Variants in GDI2 observed in about 807,000 individuals in gnomAD.
GDI2 encodes GDP dissociation inhibitor 2.
Under a neutral mutation model 54.2 loss-of-function variants are expected in GDI2, and 22 were observed. The ratio of observed to expected loss-of-function variants is 0.41; its 90% CI spans 0.29 to 0.58. The LOEUF (loss-of-function observed/expected upper bound fraction) is 0.58. GDI2 is among the 20% of genes least tolerant of loss of function. The pLI is 0.35. For synonymous variants in GDI2, 177 were observed against 182.1 expected, an observed-to-expected ratio of 0.97 and a Z score of 0.23; for missense variants, 422 against 546.0, an observed-to-expected ratio of 0.77 and a Z score of 2.26.
intron 2 of GDI2, among the ~76,000 whole-genome samples, chr10:5,798,888 C>T (rs1270701106): frequency 2.6e-5 from 4 of 151,702 alleles, no homozygotes; most frequent in Admixed American, 6.6e-5. Flanking sequence ...GCATGAAAAT[C>T]ACTTGAACCC....
chr10:5,811,399 T>C (rs929995066), intron 1 of GDI2, among the ~76,000 whole-genome samples: 16 of 152,184 alleles, frequency 1.1e-4, no homozygotes, highest in Non-Finnish European at 2.1e-4. Context: ...TAACTTGTTA[T>C]ATAAAAACAC....
At chr10:5,767,440 A>T (rs923066472) in intron 8 of GDI2, among the ~76,000 whole-genome samples, 1 of 152,094 alleles carries the variant, frequency 6.6e-6, no homozygotes, top group Non-Finnish European at 1.5e-5. Context: ...CAGCCTCCCA[A>T]GTAGCTAGGA....
At chr10:5,791,823 G>C (rs1337841754) in intron 4 of GDI2, among the ~76,000 whole-genome samples, 2 of 152,074 alleles carry the variant, frequency 1.3e-5, no homozygotes, top group Admixed American at 6.6e-5. Context: ...GGCTGAGGCA[G>C]GAGAATTGCT....
At position 5,768,520 on chromosome 10, in the gene GDI2, T is replaced by A. The variant is rs1259927786; in HGVS notation, c.820-136A>T. 3 of 624,454 alleles carry A rather than the reference T, an allele frequency of 4.8e-6. No individual in the cohort carries two copies. The highest frequency in any genetic ancestry group is 5.6e-6 in the Non-Finnish European group (2 of 358,336). 38.7% of individuals were successfully genotyped at this position (624,454 alleles called of 1,614,324 possible). On this transcript the variant is annotated intron_variant, in intron 7 of 10. Coordinates refer to ENST00000380191, the MANE Select transcript of GDI2 (RefSeq NM_001494.4). This position sits in a 1 kb window ranked among gnomAD's most constrained non-coding sequence, Gnocchi z 4.4. ...CAAGTTCATATTGGTTCCCAAGGGA[T>A]TGAATTCTGGAACAACCAAAACAAT... is the stretch of plus-strand genomic sequence containing the variant.
chr10:5,783,811 T>TA (rs1307895299), intron 6 of GDI2, among the ~76,000 whole-genome samples: 1 of 152,232 alleles, frequency 6.6e-6, no homozygotes. Flanking sequence ...AGAAATCTGT[T>TA]AATCTGATAG....
rs1490475027 is a variant in GDI2 at position 5,795,080 on chromosome 10, TAA to T, written c.254-63_254-62del. 3.5e-4 allele frequency: 358 copies of T among 1,014,364 alleles called. 2 individuals are homozygous for T. The highest frequency in any genetic ancestry group is 4.2e-4 in the Middle Eastern group (2 of 4,742). The allele number at this position is 1,014,364 out of a possible 1,614,324, so 62.8% of individuals were successfully genotyped here. On this transcript the variant is annotated intron_variant, in intron 3 of 10. Coordinates refer to ENST00000380191, the MANE Select transcript of GDI2 (RefSeq NM_001494.4). Reference sequence around the variant, plus strand: ...TCTATAAATTATAAAGAACATTTACTAATACTAACAGCTTCTAAAATTTTTTC... The same window carrying T: ...TCTATAAATTATAAAGAACATTTACTTACTAACAGCTTCTAAAATTTTTTC...
chr10:5,766,204 G>GAAACCTGCCCATATCCTCTC lies in GDI2; in HGVS notation c.1191+36_1191+37insGAGAGGATATGGGCAGGTTT. 6.2e-7 allele frequency: 1 copy of GAAACCTGCCCATATCCTCTC among 1,611,282 alleles called. No homozygotes were observed. The highest frequency in any genetic ancestry group is 8.5e-7 in the Non-Finnish European group (1 of 1,177,386). On this transcript the variant is annotated intron_variant, in intron 10 of 10. Coordinates refer to ENST00000380191, the MANE Select transcript of GDI2 (RefSeq NM_001494.4). The surrounding 1 kb of genome is among the most constrained non-coding windows in gnomAD (Gnocchi z 5.8). The stretch of plus-strand genomic sequence containing the variant: ...AGACCATGGAGGGATGTCTTCCAGT[G>GAAACCTGCCCATATCCTCTC]AAACCTGCCCATATCCTTTCACACT...
chr10:5,794,186 AAAATATATATATATAT>A (rs1230726174), intron 4 of GDI2, among the ~76,000 whole-genome samples: 9 of 46,670 alleles, frequency 1.9e-4, no homozygotes, highest in East Asian at 7.5e-4. Context: ...AAAAAAAAAA[AAAATATATATATATAT>A]ATATATATAT....
chr10:5,772,560 C>T (rs1840513817), intron 7 of GDI2, among the ~76,000 whole-genome samples: 1 of 152,088 alleles, frequency 6.6e-6, no homozygotes, highest in African/African-American at 2.4e-5. Context: ...AGTTCGAGAC[C>T]AGCCTGGCCA....
At position 5,768,099 on chromosome 10, in the gene GDI2, TA is replaced by T; in HGVS notation, c.991+113del. 1.2e-6 allele frequency: 1 copy of T among 831,450 alleles called. No individual in the cohort carries two copies. The highest frequency in any genetic ancestry group is 1.9e-6 in the Non-Finnish European group (1 of 515,492). The allele number at this position is 831,450 out of a possible 1,614,324, so 51.5% of individuals were successfully genotyped here. ...TACAAAGATTTTTTTCCCCCATATGTAAACCAAGGTCTGTTCACTAATACAG... is the reference window on the plus strand; with the variant it reads ...TACAAAGATTTTTTTCCCCCATATGTAACCAAGGTCTGTTCACTAATACAG... On this transcript the variant is annotated intron_variant, in intron 8 of 10. Coordinates refer to ENST00000380191, the MANE Select transcript of GDI2 (RefSeq NM_001494.4). This position sits in a 1 kb window ranked among gnomAD's most constrained non-coding sequence, Gnocchi z 4.4.
intron 1 of GDI2, among the ~76,000 whole-genome samples, chr10:5,803,785 C>T (rs767339357): frequency 3.9e-5 from 6 of 152,060 alleles, no homozygotes; most frequent in Non-Finnish European, 5.9e-5. Context: ...TGTGAAGAAA[C>T]ACAGAGATGG....
At chr10:5,796,444 G>A (rs1262772833) in intron 3 of GDI2, among the ~76,000 whole-genome samples, 1 of 152,076 alleles carries the variant, frequency 6.6e-6, no homozygotes, top group Non-Finnish European at 1.5e-5. Flanking sequence ...TTAAAATAAT[G>A]CTGTTTCAAA....
intron 6 of GDI2, among the ~76,000 whole-genome samples, chr10:5,781,742 T>TG (rs1275418934): frequency 6.6e-6 from 1 of 150,388 alleles, no homozygotes; most frequent in African/African-American, 2.4e-5. Flanking sequence ...GGCCAGGCAC[T>TG]GTGGCTCCTG....
intron 1 of GDI2, 89 bp downstream of exon 1, chr10:5,813,125 C>T: frequency 1.3e-6 from 1 of 771,978 alleles, no homozygotes; most frequent in Non-Finnish European, 2.0e-6. Flanking sequence ...AACGAGACCC[C>T]CGAGGAGCTG....
intron 2 of GDI2, among the ~76,000 whole-genome samples, chr10:5,798,703 C>A (rs1272272357): frequency 6.8e-6 from 1 of 146,188 alleles, no homozygotes; most frequent in Non-Finnish European, 1.5e-5. Context: ...CTAGGCCAGG[C>A]ACAGAGGCTC....
intron 2 of GDI2, among the ~76,000 whole-genome samples, chr10:5,797,437 C>A (rs1046764009): frequency 6.7e-6 from 1 of 148,202 alleles, no homozygotes; most frequent in Non-Finnish European, 1.5e-5. Flanking sequence ...CCCAGCTACT[C>A]GGGAGGCTGA....
chr10:5,773,843 TCTC>T lies in GDI2; in HGVS notation c.815_817del (p.Gly272del), dbSNP rs1298912664. On this transcript the variant is annotated inframe_deletion and splice_region_variant, in exon 7 of 11. Coordinates refer to ENST00000380191, the MANE Select transcript of GDI2 (RefSeq NM_001494.4). ...TTTTTCATTTTAAAAGCTACTTACT[TCTC>T]CTTCAGATTTTACACCAATTACTTT... is the stretch of plus-strand genomic sequence containing the variant. The T allele has an allele frequency of 6.9e-6, 9 of 1,310,874 alleles. No individual in the cohort carries two copies. The highest frequency in any genetic ancestry group is 2.3e-5 in the East Asian group (1 of 43,400). The allele number at this position is 1,310,874 out of a possible 1,614,324, so 81.2% of individuals were successfully genotyped here.
At chr10:5,773,257 C>T (rs545966798) in intron 7 of GDI2, among the ~76,000 whole-genome samples, 1 of 152,166 alleles carries the variant, frequency 6.6e-6, no homozygotes, top group Non-Finnish European at 1.5e-5. Context: ...TAAAGCAGTG[C>T]ACTTTGAAGT....
intron 1 of GDI2, among the ~76,000 whole-genome samples, chr10:5,802,311 G>A (rs1467795896): frequency 2.0e-5 from 3 of 151,926 alleles, no homozygotes; most frequent in Admixed American, 6.6e-5. Flanking sequence ...TAGAATTACC[G>A]AAAACTTGGC....
Sources: allele counts gnomAD v4.1 joint callset (sites outside exome capture counted in the v4.1 genomes callset), GRCh38; gene constraint gnomAD v4.1.1; non-coding constraint Gnocchi (gnomAD v3.1); transcripts MANE v1.5; gene names NCBI Gene and HGNC (gene_info 2026-07-23, HGNC 2026-07-21).